Variants in ENTREP2 observed in about 807,000 individuals in gnomAD.
ENTREP2 encodes endosomal transmembrane epsin interactor 2.
At chr15:29,496,879 G>C in the ENTREP2 span, among the ~76,000 whole-genome samples, 2 of 152,012 alleles carry the variant, frequency 1.3e-5, no homozygotes, top group Non-Finnish European at 2.9e-5. Context: ...TAGAATTTTT[G>C]CCTGGCTTTG....
chr15:29,517,242 T>A, the ENTREP2 span, among the ~76,000 whole-genome samples: 1 of 152,264 alleles, frequency 6.6e-6, no homozygotes, highest in Non-Finnish European at 1.5e-5. Flanking sequence ...ATGATAATAT[T>A]AGTGTGCCAG....
the ENTREP2 span, chr15:29,675,167 C>A: frequency 6.5e-6 from 1 of 152,748 alleles, no homozygotes; most frequent in South Asian, 2.1e-4. Flanking sequence ...CTGCCAGGGT[C>A]GCCGAGCCTC....
the ENTREP2 span, among the ~76,000 whole-genome samples, chr15:29,188,888 G>T: frequency 6.6e-6 from 1 of 152,174 alleles, no homozygotes; most frequent in Non-Finnish European, 1.5e-5. Context: ...CTGAACGGAG[G>T]GGTTCAGAGA....
At chr15:29,384,173 C>T in the ENTREP2 span, among the ~76,000 whole-genome samples, 1 of 152,188 alleles carries the variant, frequency 6.6e-6, no homozygotes, top group Non-Finnish European at 1.5e-5. Flanking sequence ...AGGAGATGAC[C>T]ATTCCCGCCG....
chr15:29,436,326 C>T, the ENTREP2 span, among the ~76,000 whole-genome samples: 5 of 152,184 alleles, frequency 3.3e-5, no homozygotes, highest in Non-Finnish European at 5.9e-5. Context: ...GCTGAGGAAG[C>T]GCCTCTACTC....
chr15:29,604,904 A>G, the ENTREP2 span, among the ~76,000 whole-genome samples: 1 of 152,160 alleles, frequency 6.6e-6, no homozygotes, highest in Non-Finnish European at 1.5e-5. Flanking sequence ...GCAGGTGAGA[A>G]AGGTGGGCAC....
chr15:29,464,265 AAAG>A, the ENTREP2 span, among the ~76,000 whole-genome samples: 1 of 107,794 alleles, frequency 9.3e-6, no homozygotes, highest in Non-Finnish European at 1.8e-5. Context: ...TTTGCACAGA[AAAG>A]AATAAAGAAA....
At chr15:29,255,889 T>G in the ENTREP2 span, among the ~76,000 whole-genome samples, 8 of 151,462 alleles carry the variant, frequency 5.3e-5, no homozygotes, top group Non-Finnish European at 8.8e-5. Flanking sequence ...TAGTACCAGC[T>G]ACTCGGGATG....
At chr15:29,454,254 G>A in the ENTREP2 span, among the ~76,000 whole-genome samples, 1 of 152,146 alleles carries the variant, frequency 6.6e-6, no homozygotes, top group African/African-American at 2.4e-5. Context: ...TTGCCAACTA[G>A]AGTCCACTGC....
At chr15:29,253,442 G>GTC in the ENTREP2 span, among the ~76,000 whole-genome samples, 12 of 135,588 alleles carry the variant, frequency 8.9e-5, no homozygotes, top group Admixed American at 5.2e-4. Context: ...GGCAAATATT[G>GTC]TCTCTCTCTC....
At chr15:29,411,751 A>G in the ENTREP2 span, among the ~76,000 whole-genome samples, 1 of 152,084 alleles carries the variant, frequency 6.6e-6, no homozygotes, top group Non-Finnish European at 1.5e-5. Context: ...TACATCTTAC[A>G]TTTTATTCTG....
chr15:29,234,969 T>G, the ENTREP2 span: 28 of 1,489,008 alleles, frequency 1.9e-5, no homozygotes, highest in South Asian at 3.2e-4. Flanking sequence ...TTCCAACAGA[T>G]TGTATTAACA....
At chr15:29,657,483 C>CGGGGGGAG in the ENTREP2 span, among the ~76,000 whole-genome samples, 1 of 69,382 alleles carries the variant, frequency 1.4e-5, no homozygotes, top group African/African-American at 6.0e-5. Flanking sequence ...GCTGGGGGGG[C>CGGGGGGAG]GGGGGGGGGG....
the ENTREP2 span, among the ~76,000 whole-genome samples, chr15:29,388,719 G>A: frequency 6.6e-6 from 1 of 152,122 alleles, no homozygotes; most frequent in East Asian, 1.9e-4. Flanking sequence ...TAACCCAAAT[G>A]TCCATCAATG....
At chr15:29,271,411 A>AT in the ENTREP2 span, among the ~76,000 whole-genome samples, 1 of 152,166 alleles carries the variant, frequency 6.6e-6, no homozygotes. Context: ...ATATTGTTTT[A>AT]TATTGTTTTA....
the ENTREP2 span, among the ~76,000 whole-genome samples, chr15:29,508,197 AG>A: frequency 6.6e-6 from 1 of 152,174 alleles, no homozygotes; most frequent in African/African-American, 2.4e-5. Flanking sequence ...AGACTAAACC[AG>A]GAAGAAGTCA....
the ENTREP2 span, chr15:29,375,274 T>C: frequency 6.6e-6 from 1 of 152,244 alleles, no homozygotes; most frequent in South Asian, 2.1e-4. Flanking sequence ...AACCCTAATT[T>C]TGTGACTGGC....
At chr15:29,511,000 T>A in the ENTREP2 span, among the ~76,000 whole-genome samples, 142 of 151,912 alleles carry the variant, frequency 9.3e-4, no homozygotes, top group African/African-American at 3.1e-3. Context: ...TGAGAACATA[T>A]GGGCACAGGG....
chr15:29,571,994 A>G, the ENTREP2 span, among the ~76,000 whole-genome samples: 1 of 152,196 alleles, frequency 6.6e-6, no homozygotes, highest in African/African-American at 2.4e-5. Context: ...TTACTGTTGG[A>G]TGAGAAACGC....
Sources: gnomAD v4.1 joint callset for allele counts (sites outside exome capture counted in the v4.1 genomes callset) on GRCh38, gnomAD v4.1.1 for gene constraint, MANE v1.5 for transcripts, NCBI Gene and HGNC (gene_info 2026-07-23, HGNC 2026-07-21) for gene names.